TWSG1: variants seen among roughly 807,000 people sequenced by gnomAD.
The protein encoded by TWSG1 is twisted gastrulation protein homolog 1.
TWSG1 carries 15 observed loss-of-function variants against 23.0 expected under a neutral mutation model. That is an observed-to-expected ratio of 0.65 (90% confidence interval 0.44 to 1.00). The LOEUF is 1.00. Among genes scored for constraint, TWSG1 ranks in the 50% least tolerant of loss-of-function variants. TWSG1 has a pLI of 0.00. For synonymous variants in TWSG1, 86 were observed against 92.8 expected (o/e 0.93, Z 0.42); for missense variants, 242 against 278.7 (o/e 0.87, Z 0.94).
chr18:9,348,607 TC>T (rs1304810307), intron 2 of TWSG1, among the ~76,000 whole-genome samples: 1 of 152,224 alleles, frequency 6.6e-6, no homozygotes, highest in Non-Finnish European at 1.5e-5. Context: ...AATTCCACTT[TC>T]ATGTTCTGCG....
At chr18:9,340,156 C>T (rs2040439781) in intron 2 of TWSG1, among the ~76,000 whole-genome samples, 1 of 151,920 alleles carries the variant, frequency 6.6e-6, no homozygotes, top group South Asian at 2.1e-4. Context: ...ATCACAAGGT[C>T]AGGAGATCAA....
chr18:9,374,449 G>A (rs1250897329), intron 3 of TWSG1, among the ~76,000 whole-genome samples: 1 of 152,158 alleles, frequency 6.6e-6, no homozygotes, highest in Non-Finnish European at 1.5e-5. Flanking sequence ...CCAATTCCTT[G>A]AAGGACACAA....
At chr18:9,370,337 T>C (rs959929608) in intron 3 of TWSG1, among the ~76,000 whole-genome samples, 1 of 151,734 alleles carries the variant, frequency 6.6e-6, no homozygotes, top group Non-Finnish European at 1.5e-5. Flanking sequence ...AAAATTATTG[T>C]CCAGACCAAT....
intron 4 of TWSG1, 99 bp downstream of exon 4, chr18:9,396,645 T>G (rs767578540): frequency 6.9e-7 from 1 of 1,446,510 alleles, no homozygotes; most frequent in Non-Finnish European, 9.2e-7. Context: ...GAGCAGCCTT[T>G]TGGTTTTGAA....
At chr18:9,369,075 C>G (rs552769831) in intron 3 of TWSG1, among the ~76,000 whole-genome samples, 30 of 152,140 alleles carry the variant, frequency 2.0e-4, no homozygotes, top group African/African-American at 7.2e-4. Flanking sequence ...TGCCATTGCA[C>G]TCCAGCCTGG....
chr18:9,389,006 C>T (rs111790237), intron 3 of TWSG1, among the ~76,000 whole-genome samples: 6,190 of 151,990 alleles, frequency 0.041, 415 homozygotes, highest in African/African-American at 0.14. Flanking sequence ...GATGGAATTT[C>T]GCTCTTGTTG....
Position 9,401,249 on chromosome 18 carries a change from G to A in TWSG1, c.*1722G>A, listed in dbSNP as rs550617188. 3.3e-5 allele frequency: 5 copies of A among 152,058 alleles called. No homozygotes were observed. In the South Asian group the frequency reaches 1.0e-3, roughly 32 times the overall value. 9.4% of individuals were successfully genotyped at this position (152,058 alleles called of 1,614,324 possible). On this transcript the variant is annotated 3_prime_UTR_variant, in exon 5 of 5. Transcript: ENST00000262120. ...TTTAAAAGTGCCTTGAAAACATTTA[G>A]CTCCCCTTCTTCATGAGCATCTGTA...
intron 2 of TWSG1, among the ~76,000 whole-genome samples, chr18:9,348,162 C>G (rs1459519464): frequency 2.6e-5 from 4 of 152,194 alleles, no homozygotes; most frequent in Non-Finnish European, 4.4e-5. Flanking sequence ...TGAGGCTAAT[C>G]ATCTTCCTGA....
chr18:9,353,818 A>T (rs547941412), intron 2 of TWSG1, among the ~76,000 whole-genome samples: 1 of 152,232 alleles, frequency 6.6e-6, no homozygotes, highest in Non-Finnish European at 1.5e-5. Flanking sequence ...AGACTAGGGA[A>T]GCAGAAGATA....
intron 2 of TWSG1, among the ~76,000 whole-genome samples, chr18:9,344,491 ATGTGTGTGTGTG>A (rs57863617): frequency 7.3e-6 from 1 of 136,766 alleles, no homozygotes. Flanking sequence ...TAGTGAATGC[ATGTGTGTGTGTG>A]TGTGTGTGTG....
In TWSG1 at chr18:9,400,118, C is replaced by T. The variant is rs944055242; in HGVS notation, c.*591C>T. ...TTACCATATTTTATAATTGAGAACT[C>T]TTACATAGTAGAATCCATTCTATAA... On this transcript the variant is annotated 3_prime_UTR_variant, in exon 5 of 5. Coordinates refer to ENST00000262120, the MANE Select transcript of TWSG1 (RefSeq NM_020648.6). The T allele has an allele frequency of 2.6e-5, 4 of 152,132 alleles. No homozygotes were observed. Among genetic ancestry groups the T allele is most frequent in the Non-Finnish European group, 5.9e-5 (4 of 68,042 alleles). The allele number at this position is 152,132 out of a possible 1,614,324, so 9.4% of individuals were successfully genotyped here. A position where few individuals can be genotyped will look rare whatever the true frequency, so the allele number is the denominator to read the frequency against.
chr18:9,335,137 G>T (rs1282290402), intron 1 of TWSG1, among the ~76,000 whole-genome samples: 1 of 152,118 alleles, frequency 6.6e-6, no homozygotes, highest in Non-Finnish European at 1.5e-5. Context: ...GCGCCGCTTT[G>T]GTCCAGACCA....
At chr18:9,358,505 G>A (rs1368263728) in intron 2 of TWSG1, among the ~76,000 whole-genome samples, 1 of 152,162 alleles carries the variant, frequency 6.6e-6, no homozygotes, top group South Asian at 2.1e-4. Context: ...GCAGGTAGCA[G>A]CCAATCAGGG....
chr18:9,378,334 T>G (rs1362490283), intron 3 of TWSG1, among the ~76,000 whole-genome samples: 1 of 152,198 alleles, frequency 6.6e-6, no homozygotes, highest in Non-Finnish European at 1.5e-5. Context: ...TATCCCTGTT[T>G]GCAGACAACA....
intron 3 of TWSG1, among the ~76,000 whole-genome samples, chr18:9,390,364 C>T (rs1427027383): frequency 6.6e-6 from 1 of 152,016 alleles, no homozygotes; most frequent in Non-Finnish European, 1.5e-5. Flanking sequence ...GGTTTCACCA[C>T]GTTAGCCAGG....
chr18:9,377,233 T>TTG (rs2040634646), intron 3 of TWSG1, among the ~76,000 whole-genome samples: 1 of 151,122 alleles, frequency 6.6e-6, no homozygotes, highest in African/African-American at 2.4e-5. Context: ...TTTTTTTTTT[T>TTG]GGGGGGACAG....
At chr18:9,359,137 C>A (rs772735638) in intron 2 of TWSG1, among the ~76,000 whole-genome samples, 1 of 151,646 alleles carries the variant, frequency 6.6e-6, no homozygotes, top group Non-Finnish European at 1.5e-5. Flanking sequence ...ACAGTTTGAG[C>A]CTGGATCAGC....
intron 3 of TWSG1, among the ~76,000 whole-genome samples, chr18:9,390,806 G>T (rs1222322569): frequency 6.6e-6 from 1 of 152,216 alleles, no homozygotes; most frequent in Non-Finnish European, 1.5e-5. Context: ...CAGGCCAGGA[G>T]TTTGAGACAA....
At chr18:9,380,039 C>A (rs1233754801) in intron 3 of TWSG1, among the ~76,000 whole-genome samples, 1 of 152,162 alleles carries the variant, frequency 6.6e-6, no homozygotes. Flanking sequence ...TCCCTATATA[C>A]TGTGTGGCTC....
Sources: allele counts gnomAD v4.1 joint callset (sites outside exome capture counted in the v4.1 genomes callset), GRCh38; gene constraint gnomAD v4.1.1; transcripts MANE v1.5; gene names NCBI Gene and HGNC (gene_info 2026-07-23, HGNC 2026-07-21).